The following ACAT1 variants were observed in gnomAD, a reference collection of about 807,000 sequenced individuals.
ACAT1 encodes the protein acetyl-CoA acetyltransferase 1, also known as acetyl-CoA acetyltransferase, mitochondrial.
Under a neutral mutation model 47.3 loss-of-function variants are expected in ACAT1, and 28 were observed. That is an observed-to-expected ratio of 0.59 (90% CI 0.44 to 0.81). ACAT1 has a LOEUF of 0.81. ACAT1 is among the 30% of genes least tolerant of loss of function. ACAT1 has a pLI of 0.00. For synonymous variants in ACAT1, 181 were observed against 173.6 expected, an observed-to-expected ratio of 1.04 and a Z score of -0.34; for missense variants, 469 against 524.3, an observed-to-expected ratio of 0.89 and a Z score of 1.03.
chr11:108,145,980 G>C lies in ACAT1; in HGVS notation c.1006-222G>C. ...GAGAACTGCTTGAACCTGGGAGGCAGAGGTTATAGTGAGCCAAGATGGCGC... is the reference window on the plus strand; with the variant it reads ...GAGAACTGCTTGAACCTGGGAGGCACAGGTTATAGTGAGCCAAGATGGCGC... On this transcript the variant is annotated intron_variant, in intron 10 of 11. Transcript: ENST00000265838. 4 of 427,576 alleles carry C rather than the reference G, an allele frequency of 9.4e-6. 1 individual carries two copies. The highest frequency in any genetic ancestry group is 8.8e-5 in the South Asian group (4 of 45,494). 26.5% of individuals were successfully genotyped at this position (427,576 alleles called of 1,614,324 possible). A position where few individuals can be genotyped will look rare whatever the true frequency, so the allele number is the denominator to read the frequency against.
chr11:108,134,944 CAAAAAAAA>C (rs56229925), intron 4 of ACAT1, among the ~76,000 whole-genome samples, 190 bp from the exon 5 acceptor site: 2 of 81,370 alleles, frequency 2.5e-5, no homozygotes, highest in Non-Finnish European at 4.3e-5. Flanking sequence ...GACTCCGTCT[CAAAAAAAA>C]AAAAAAAAAA....
rs2077620711 is a variant in ACAT1, at chr11:108,142,857, A to C, written c.940+307A>C. The C allele has an allele frequency of 1.2e-5, 4 of 339,642 alleles. 1 individual carries two copies. The highest frequency in any genetic ancestry group is 1.1e-4 in the South Asian group (4 of 35,072). 21.0% of individuals were successfully genotyped at this position (339,642 alleles called of 1,614,324 possible). Reference sequence around the variant, plus strand: ...GTCTTAAAAAAAAATAAGGTTTCTAAACATCTATAAGCTCTTCATGAAATT... The same window carrying C: ...GTCTTAAAAAAAAATAAGGTTTCTACACATCTATAAGCTCTTCATGAAATT... On this transcript the variant is annotated intron_variant, in intron 9 of 11. Transcript: ENST00000265838.
chr11:108,146,361 T>C lies in ACAT1; in HGVS notation c.1163+2T>C, dbSNP rs1280110907. The C allele has an allele frequency of 1.9e-6, 3 of 1,613,554 alleles. No individual in the cohort carries two copies. The highest frequency in any genetic ancestry group is 2.5e-6 in the Non-Finnish European group (3 of 1,179,750). ...TGTTTCTCTGGGACATCCAATTGGG[T>C]AGGTAAAAATAATAACTATATCTAG... On this transcript the variant is annotated splice_donor_variant, in intron 11 of 11. Coordinates refer to ENST00000265838, the MANE Select transcript of ACAT1 (RefSeq NM_000019.4). LOFTEE classifies it high-confidence loss of function.
chr11:108,141,769 C>G, intron 8 of ACAT1, 69 bp downstream of exon 8: 2 of 1,011,352 alleles, frequency 2.0e-6, no homozygotes, highest in East Asian at 2.6e-5. Context: ...TTAGAATTGC[C>G]TAAGGATTTT....
chr11:108,134,716 C>A (rs546957655), intron 4 of ACAT1, among the ~76,000 whole-genome samples: 1 of 147,562 alleles, frequency 6.8e-6, no homozygotes, highest in African/African-American at 2.5e-5. Context: ...GAGGCCGAGG[C>A]GGGTGGATCA....
At chr11:108,136,261 A>G in intron 5 of ACAT1, 1 of 421,790 alleles carries the variant, frequency 2.4e-6, no homozygotes, top group Non-Finnish European at 4.2e-6. Context: ...CATTGGAAAT[A>G]GAGTGGTGAA....
rs1051769888 is a variant in ACAT1, at chr11:108,125,652, G to T, written c.72+3974G>T. On this transcript the variant is annotated intron_variant, in intron 1 of 11. Coordinates refer to ENST00000265838, the MANE Select transcript of ACAT1 (RefSeq NM_000019.4). The stretch of plus-strand genomic sequence containing the variant: ...AGAAAAGACATGAAGAATAGGCTGG[G>T]TGTGGTGGCTCACGCCTGTAATCCC... Among the ~76,000 whole-genome samples the T allele has an allele frequency of 7.2e-5, 11 of 152,336 alleles. No homozygotes were observed. The East Asian group carries it at 7.7e-4, about 11-fold the overall frequency.
chr11:108,138,862 G>A (rs542242628), intron 5 of ACAT1, 36 bp from the exon 6 acceptor site: 6 of 1,614,040 alleles, frequency 3.7e-6, no homozygotes, highest in South Asian at 3.3e-5. Context: ...CAAAATATTT[G>A]TATTAACATT....
Position 108,121,615 on chromosome 11 carries a change from G to C in ACAT1, c.9G>C (p.Val3=). Residue 3 remains valine (V), a synonymous_variant, in exon 1 of 12, where the codon GTG becomes GTC. Coordinates refer to ENST00000265838, the MANE Select transcript of ACAT1 (RefSeq NM_000019.4). ...CTCAGCCCTCTGCGACCATGGCTGT[G>C]CTGGCGGCACTTCTGCGCAGCGGCG... MA[V]LAALLRSGAR... The C allele has an allele frequency of 6.4e-7, 1 of 1,550,934 alleles. No individual in the cohort carries two copies. Among genetic ancestry groups the C allele is most frequent in the Non-Finnish European group, 8.7e-7 (1 of 1,147,406 alleles).
intron 6 of ACAT1, 153 bp from the exon 7 acceptor site, chr11:108,139,912 A>C (rs1459170072): frequency 2.3e-6 from 2 of 866,810 alleles, no homozygotes; most frequent in Middle Eastern, 3.6e-4. Flanking sequence ...TGGCCCCCCA[A>C]AGTGCTGGGA....
chr11:108,141,836 T>G (rs1459830644), intron 8 of ACAT1, 136 bp downstream of exon 8: 9 of 674,678 alleles, frequency 1.3e-5, no homozygotes, highest in Middle Eastern at 4.0e-4. Flanking sequence ...ATCAGGCTCA[T>G]GTAAAATTGT....
chr11:108,136,281 T>TA (rs2077467788), intron 5 of ACAT1: 3 of 410,044 alleles, frequency 7.3e-6, no homozygotes, highest in Admixed American at 4.3e-5. Flanking sequence ...ACAAAACATT[T>TA]AAAAAAATCT....
intron 9 of ACAT1, chr11:108,143,146 A>C (rs2077626186): frequency 6.5e-6 from 1 of 153,246 alleles, no homozygotes; most frequent in Admixed American, 6.5e-5. Flanking sequence ...CCCACCTCTG[A>C]AAGAAAAAAA....
At position 108,147,537 on chromosome 11, in the gene ACAT1, A is replaced by G; in HGVS notation, c.*147A>G. On this transcript the variant is annotated 3_prime_UTR_variant, in exon 12 of 12. Transcript: ENST00000265838. Reference sequence around the variant, plus strand: ...TAACTTTTAAAAATCAAAATGATGAAATCCCAAAACATTTTGAAATTAAAA... The same window carrying G: ...TAACTTTTAAAAATCAAAATGATGAGATCCCAAAACATTTTGAAATTAAAA... 1 of 1,082,684 alleles carries G rather than the reference A, an allele frequency of 9.2e-7. No individual in the cohort carries two copies. Among genetic ancestry groups the G allele is most frequent in the Non-Finnish European group, 1.3e-6 (1 of 756,436 alleles). The allele number at this position is 1,082,684 out of a possible 1,614,324, so 67.1% of individuals were successfully genotyped here. A position where few individuals can be genotyped will look rare whatever the true frequency, so the allele number is the denominator to read the frequency against.
Position 108,147,569 on chromosome 11 carries a change from T to A in ACAT1, c.*179T>A, listed in dbSNP as rs114728153. 1 of 857,912 alleles carries A rather than the reference T, an allele frequency of 1.2e-6. No homozygotes were observed. Among genetic ancestry groups the A allele is most frequent in the Admixed American group, 2.9e-5 (1 of 33,986 alleles). 53.1% of individuals were successfully genotyped at this position (857,912 alleles called of 1,614,324 possible). A position where few individuals can be genotyped will look rare whatever the true frequency, so the allele number is the denominator to read the frequency against. On this transcript the variant is annotated 3_prime_UTR_variant, in exon 12 of 12. Coordinates refer to ENST00000265838, the MANE Select transcript of ACAT1 (RefSeq NM_000019.4). ...AAACATTTTGAAATTAAAAATAAAT[T>A]TCTTCTTCTGCTTTTTTCTTGGTAA...
intron 2 of ACAT1, among the ~76,000 whole-genome samples, chr11:108,132,853 CAAAAAAAAAAAAAA>C (rs57501370): frequency 1.7e-4 from 8 of 47,896 alleles, no homozygotes; most frequent in Admixed American, 1.2e-3. Flanking sequence ...AACTCCATCT[CAAAAAAAAAAAAAA>C]AAAAAAAAAA....
intron 1 of ACAT1, among the ~76,000 whole-genome samples, chr11:108,129,844 C>T (rs1308999776): frequency 6.6e-6 from 1 of 152,070 alleles, no homozygotes; most frequent in East Asian, 1.9e-4. Flanking sequence ...TGGCTGGGTA[C>T]AGGGATGTGT....
rs553101581 is a variant in ACAT1, at chr11:108,147,328, G to A, written c.1222G>A (p.Gly408Ser). The change falls in exon 12 of 12, where the codon GGT (glycine) becomes AGT (serine). Residue 408 changes from glycine to serine, a missense_variant. Gly to Ser is a moderately conservative substitution (Grantham distance 56, BLOSUM62 0). Transcript: ENST00000265838. ...LTHALKQGEY[G>S]LASICNGGGG... is the part of the protein sequence containing the mutation. Reference sequence around the variant, plus strand: ...TCATGCCTTGAAGCAAGGAGAATACGGTCTTGCCAGTATTTGCAATGGAGG... The same window carrying A: ...TCATGCCTTGAAGCAAGGAGAATACAGTCTTGCCAGTATTTGCAATGGAGG... The A allele has an allele frequency of 4.3e-6, 7 of 1,613,816 alleles. No homozygotes were observed. Among genetic ancestry groups the A allele is most frequent in the African/African-American group, 2.7e-5 (2 of 75,020 alleles).
chr11:108,125,372 G>A (rs541642663), intron 1 of ACAT1, among the ~76,000 whole-genome samples: 3 of 152,146 alleles, frequency 2.0e-5, no homozygotes, highest in South Asian at 2.1e-4. Context: ...TTTGTCATTC[G>A]TTTCTGATAT....
Sources: allele counts gnomAD v4.1 joint callset (sites outside exome capture counted in the v4.1 genomes callset), GRCh38; gene constraint gnomAD v4.1.1; transcripts MANE v1.5; gene names NCBI Gene and HGNC (gene_info 2026-07-23, HGNC 2026-07-21).